Variants in FANK1 observed in about 807,000 individuals in gnomAD.
FANK1 encodes fibronectin type III and ankyrin repeat domains 1.
A neutral mutation model predicts 45.3 loss-of-function variants in FANK1; 44 were observed. That is an observed-to-expected ratio of 0.97 (90% confidence interval 0.76 to 1.25). FANK1 has a LOEUF of 1.25. Ranked by LOEUF, FANK1 falls within the 50% of genes most tolerant of loss-of-function variation. The pLI, the probability that FANK1 is intolerant of heterozygous loss-of-function variation, is 0.00. For missense variants in FANK1, 391 were observed against 424.4 expected (o/e 0.92, Z 0.69); for synonymous variants, 149 against 152.5 (o/e 0.98, Z 0.17).
At chr10:125,978,145 T>C (rs1047419777) in intron 1 of FANK1, among the ~76,000 whole-genome samples, 2 of 152,106 alleles carry the variant, frequency 1.3e-5, no homozygotes, top group Non-Finnish European at 2.9e-5. Context: ...AACCTGGAGG[T>C]GTCACCAGTG....
At chr10:125,903,525 C>T (rs1451164620) in intron 1 of FANK1, among the ~76,000 whole-genome samples, 1 of 152,270 alleles carries the variant, frequency 6.6e-6, no homozygotes, top group Admixed American at 6.5e-5. Context: ...CTGCCTCCTC[C>T]CTCCACCTGT....
At chr10:125,991,643 T>C (rs35966505) in intron 3 of FANK1, among the ~76,000 whole-genome samples, 33,474 of 152,050 alleles carry the variant, frequency 0.22, 4,421 homozygotes, top group East Asian at 0.31. Context: ...ACAGCCTTTT[T>C]TTTCCCCCCA....
rs918479208 is a variant in FANK1, at chr10:126,004,954, C to A, written c.610C>A (p.Gln204Lys). The change falls in exon 7 of 11, where the codon CAG (glutamine) becomes AAG (lysine). Residue 204 changes from glutamine (Q) to lysine (K), a missense_variant. Transcript: ENST00000368693. Reference sequence around the variant, plus strand: ...TCTCCGAAGACATGGCGCTTCTTGGCAGGCTAGAGACCTGGGAGGCTGTAC... The same window carrying A: ...TCTCCGAAGACATGGCGCTTCTTGGAAGGCTAGAGACCTGGGAGGCTGTAC... The part of the protein sequence containing the change: ...KYLRRHGASW[Q>K]ARDLGGCTAL... 15 of 1,614,180 alleles carry A rather than the reference C, an allele frequency of 9.3e-6. No individual in the cohort carries two copies. In the Middle Eastern group the frequency reaches 1.6e-3, roughly 178 times the overall value.
intron 1 of FANK1, among the ~76,000 whole-genome samples, chr10:125,902,074 G>A (rs1371176300): frequency 6.6e-6 from 1 of 152,278 alleles, no homozygotes; most frequent in South Asian, 2.1e-4. Flanking sequence ...AGCCGAGATA[G>A]CACCACTGTA....
intron 1 of FANK1, among the ~76,000 whole-genome samples, chr10:125,955,865 AAGTACAAAAGAATCT>A (rs1394414202): frequency 5.3e-5 from 8 of 152,182 alleles, no homozygotes; most frequent in African/African-American, 1.9e-4. Flanking sequence ...AGTTCCTTCC[AAGTACAAAAGAATCT>A]ATGTTCTAAG....
At position 125,954,357 on chromosome 10, in the gene FANK1, C is replaced by T. The variant is rs889247034; in HGVS notation, c.14-25804C>T. ...AGCAAGGATGCTGAACAAGCTAAAC[C>T]TTTGAAGAGGAACTTCTTTTGTATC... On this transcript the variant is annotated intron_variant, in intron 1 of 10. Coordinates refer to ENST00000368693, the MANE Select transcript of FANK1 (RefSeq NM_145235.5). Among the ~76,000 whole-genome samples, 8 of 152,140 alleles carry T rather than the reference C, an allele frequency of 5.3e-5. 1 individual carries two copies. Among genetic ancestry groups the T allele is most frequent in the Admixed American group, 4.6e-4 (7 of 15,272 alleles).
chr10:125,953,673 G>A, intron 1 of FANK1, among the ~76,000 whole-genome samples: 1 of 152,170 alleles, frequency 6.6e-6, no homozygotes, highest in South Asian at 2.1e-4. Flanking sequence ...CCTCTTGGTT[G>A]CTAAGTTGTA....
rs142487715 is a variant in FANK1 at position 125,901,092 on chromosome 10, C to T, written c.13+4437C>T. On this transcript the variant is annotated intron_variant, in intron 1 of 10. Transcript: ENST00000368693. ...CGAGTAGCCAGGACTGCCTACTGGG[C>T]TCACGCATGTTTTTAAAGAAATGGT... Among the ~76,000 whole-genome samples the T allele has an allele frequency of 4.6e-3, 705 of 152,136 alleles. 3 individuals carry two copies. Among genetic ancestry groups the T allele is most frequent in the African/African-American group, 0.016 (650 of 41,518 alleles).
intron 1 of FANK1, chr10:125,960,264 AG>A: frequency 3.3e-6 from 1 of 298,508 alleles, no homozygotes; most frequent in Non-Finnish European, 6.8e-6. Context: ...ACTGACCAGC[AG>A]GGCATCCTTT....
At chr10:125,906,090 G>C (rs1945485152) in intron 1 of FANK1, among the ~76,000 whole-genome samples, 1 of 152,300 alleles carries the variant, frequency 6.6e-6, no homozygotes, top group Non-Finnish European at 1.5e-5. Context: ...CTTTCTAAAG[G>C]CTATGGTTCA....
At chr10:126,004,254 A>G (rs1181435488) in intron 6 of FANK1, 1 of 151,956 alleles carries the variant, frequency 6.6e-6, no homozygotes, top group African/African-American at 2.4e-5. Context: ...ATAGTGTCAA[A>G]TGAGTATTTT....
chr10:125,949,234 C>T (rs1197565504), intron 1 of FANK1, among the ~76,000 whole-genome samples: 2 of 150,872 alleles, frequency 1.3e-5, no homozygotes, highest in Non-Finnish European at 2.9e-5. Flanking sequence ...TCTCTCACCA[C>T]TCCTATTCAA....
chr10:125,970,352 G>C (rs976862302), intron 1 of FANK1, among the ~76,000 whole-genome samples: 1 of 151,912 alleles, frequency 6.6e-6, no homozygotes, highest in Non-Finnish European at 1.5e-5. Flanking sequence ...CAGATGGGGC[G>C]GCCGGGCAGA....
At chr10:125,899,207 T>C (rs928575330) in intron 1 of FANK1, among the ~76,000 whole-genome samples, 6 of 152,242 alleles carry the variant, frequency 3.9e-5, no homozygotes, top group African/African-American at 1.4e-4. Context: ...ATTACAGGCA[T>C]GCGCCACCAT....
chr10:125,996,033 G>A (rs999557138), intron 4 of FANK1, among the ~76,000 whole-genome samples: 26 of 152,202 alleles, frequency 1.7e-4, no homozygotes, highest in African/African-American at 6.3e-4. Flanking sequence ...TGTGAATTCG[G>A]CTCTGTAATT....
intron 1 of FANK1, among the ~76,000 whole-genome samples, chr10:125,912,579 T>TTACACCCTTGGTTAAAATATTCAATCATC (rs1418920902): frequency 2.0e-5 from 3 of 152,132 alleles, no homozygotes; most frequent in Non-Finnish European, 4.4e-5. Flanking sequence ...GGTTAATAAT[T>TTACACCCTTGGTTAAAATATTCAATCATC]TACACCCTTG....
At chr10:125,906,515 CAA>C (rs34132526) in intron 1 of FANK1, among the ~76,000 whole-genome samples, 1,228 of 46,214 alleles carry the variant, frequency 0.027, 11 homozygotes, top group African/African-American at 0.086. Context: ...GACTCTGTCT[CAA>C]AAAAAAAAAA....
intron 1 of FANK1, among the ~76,000 whole-genome samples, chr10:125,924,071 G>A (rs1335787026): frequency 6.6e-6 from 1 of 152,082 alleles, no homozygotes; most frequent in Non-Finnish European, 1.5e-5. Context: ...AGCTGTGATT[G>A]AGCGACTACA....
chr10:125,923,860 A>C (rs1367101618), intron 1 of FANK1, among the ~76,000 whole-genome samples: 1 of 152,152 alleles, frequency 6.6e-6, no homozygotes, highest in Non-Finnish European at 1.5e-5. Context: ...GAGTCTTTCT[A>C]TCTGTAGTAC....
Sources: gnomAD v4.1 joint callset for allele counts (sites outside exome capture counted in the v4.1 genomes callset) on GRCh38, gnomAD v4.1.1 for gene constraint, MANE v1.5 for transcripts, NCBI Gene and HGNC (gene_info 2026-07-23, HGNC 2026-07-21) for gene names.